Variants in CHMP3 observed in about 807,000 individuals in gnomAD.
CHMP3 encodes 25.1 protein.
Under a neutral mutation model 27.4 loss-of-function variants are expected in CHMP3, and 8 were observed. That is an observed-to-expected ratio of 0.29 (90% CI 0.17 to 0.53). The LOEUF is 0.53. CHMP3 is among the 20% of genes least tolerant of loss of function. The pLI is 0.96. For synonymous variants in CHMP3, 86 were observed against 85.5 expected, an observed-to-expected ratio of 1.01 and a Z score of -0.03; for missense variants, 208 against 271.5, an observed-to-expected ratio of 0.77 and a Z score of 1.64.
intron 3 of CHMP3, among the ~76,000 whole-genome samples, chr2:86,514,844 TG>T (rs1675235307): frequency 6.6e-6 from 1 of 152,160 alleles, no homozygotes; most frequent in African/African-American, 2.4e-5. Context: ...TGCTTAAAAA[TG>T]GTTAAAATGG....
chr2:86,561,374 G>A (rs1323302693), intron 1 of CHMP3, among the ~76,000 whole-genome samples: 1 of 152,096 alleles, frequency 6.6e-6, no homozygotes, highest in African/African-American at 2.4e-5. Flanking sequence ...TTAGCTAAAG[G>A]TGGTGGTAGT....
At chr2:86,546,591 C>A (rs903597075) in intron 1 of CHMP3, among the ~76,000 whole-genome samples, 1 of 152,056 alleles carries the variant, frequency 6.6e-6, no homozygotes, top group Non-Finnish European at 1.5e-5. Context: ...GCGCTCACCA[C>A]CACACCTGGC....
chr2:86,507,397 G>GA (rs1166137984), intron 5 of CHMP3, 82 bp downstream of exon 5: 3 of 1,259,888 alleles, frequency 2.4e-6, no homozygotes, highest in South Asian at 2.5e-5. Context: ...AATGCCTAAA[G>GA]AAAAAGCTAC....
chr2:86,534,187 GCTTT>G (rs1177473760), intron 2 of CHMP3, among the ~76,000 whole-genome samples: 11 of 133,526 alleles, frequency 8.2e-5, no homozygotes, highest in Admixed American at 3.1e-4. Context: ...AGATCCAATT[GCTTT>G]ATTTCTTTTT....
At chr2:86,527,359 C>T (rs1487196827) in intron 3 of CHMP3, 4 of 152,148 alleles carry the variant, frequency 2.6e-5, no homozygotes, top group African/African-American at 9.7e-5. Context: ...TGTGCATACA[C>T]TGCTTTATTC....
At chr2:86,536,488 TTTTGGTTGATAGG>T (rs2103967919) in intron 2 of CHMP3, among the ~76,000 whole-genome samples, 1 of 151,534 alleles carries the variant, frequency 6.6e-6, no homozygotes, top group African/African-American at 2.4e-5. Flanking sequence ...AGACATAAAA[TTTTGGTTGATAGG>T]CCTTTTCTTT....
At chr2:86,548,729 G>C (rs1366237723) in intron 1 of CHMP3, among the ~76,000 whole-genome samples, 1 of 152,206 alleles carries the variant, frequency 6.6e-6, no homozygotes, top group African/African-American at 2.4e-5. Context: ...ACACTTCCCA[G>C]ATGGGGTGGC....
chr2:86,554,810 T>C (rs953033910), intron 1 of CHMP3, among the ~76,000 whole-genome samples: 4 of 105,870 alleles, frequency 3.8e-5, no homozygotes, highest in South Asian at 3.3e-4. Flanking sequence ...TAAATGTGTG[T>C]GCGCGCGTGT....
intron 3 of CHMP3, among the ~76,000 whole-genome samples, chr2:86,513,865 T>C (rs1305764452): frequency 2.0e-5 from 3 of 152,232 alleles, no homozygotes; most frequent in Non-Finnish European, 2.9e-5. Flanking sequence ...TCCTGCCTGA[T>C]TGTTTTAGTG....
At chr2:86,563,081 A>C (rs1573319036) in intron 1 of CHMP3, 1 of 511,784 alleles carries the variant, frequency 2.0e-6, no homozygotes, top group Admixed American at 3.1e-5. Flanking sequence ...CTCTTCATCC[A>C]CCCTCGGCTA....
rs556326768 is a variant in CHMP3 at position 86,534,791 on chromosome 2, T to A, written c.107-5394A>T. 1.3e-4 allele frequency among the ~76,000 whole-genome samples: 20 copies of A among 152,358 alleles called. No homozygotes were observed. The South Asian group carries it at 4.1e-3, about 32-fold the overall frequency. ...ATAGCTGTCCCTGCTGTCTTTTATT[T>A]ACTATGTCCACAAAATATCTTTTTC... On this transcript the variant is annotated intron_variant, in intron 2 of 5. Transcript: ENST00000263856.
In CHMP3 at chr2:86,505,690, C is replaced by G. The variant is rs964041979; in HGVS notation, c.*114G>C. On this transcript the variant is annotated 3_prime_UTR_variant, in exon 6 of 6. Coordinates refer to ENST00000263856, the MANE Select transcript of CHMP3 (RefSeq NM_016079.4). ...AACCTGGGCAGAGAATGAAAAGAGA[C>G]AAACAGAACCTTCTCCAAAATGGTA... 24 of 1,304,720 alleles carry G rather than the reference C, an allele frequency of 1.8e-5. No homozygotes were observed. The highest frequency in any genetic ancestry group is 2.2e-5 in the Non-Finnish European group (22 of 1,016,660). 80.8% of individuals were successfully genotyped at this position (1,304,720 alleles called of 1,614,324 possible).
chr2:86,535,799 C>A (rs1031118421), intron 2 of CHMP3, among the ~76,000 whole-genome samples: 2 of 152,200 alleles, frequency 1.3e-5, no homozygotes, highest in African/African-American at 2.4e-5. Flanking sequence ...AGCCACTGCG[C>A]CCAGCCTGCA....
intron 1 of CHMP3, among the ~76,000 whole-genome samples, chr2:86,547,473 C>T (rs1573292821): frequency 6.6e-6 from 1 of 152,122 alleles, no homozygotes; most frequent in Non-Finnish European, 1.5e-5. Context: ...ATCTGAAGAA[C>T]CAAAAGTATC....
intron 1 of CHMP3, among the ~76,000 whole-genome samples, chr2:86,554,165 T>G (rs954362972): frequency 6.6e-5 from 10 of 152,228 alleles, no homozygotes; most frequent in Non-Finnish European, 1.5e-5. Context: ...CACCAGACAC[T>G]GTACCTGTCA....
intron 3 of CHMP3, among the ~76,000 whole-genome samples, chr2:86,516,630 C>T (rs1225526518): frequency 6.6e-6 from 1 of 152,114 alleles, no homozygotes. Context: ...CTGAGAAGGC[C>T]TACAATGGGT....
At chr2:86,529,486 TTAAA>T (rs1370921125) in intron 2 of CHMP3, 89 bp from the exon 3 acceptor site, 6 of 1,248,706 alleles carry the variant, frequency 4.8e-6, no homozygotes, top group Non-Finnish European at 2.1e-6. Flanking sequence ...AATGTATCTA[TTAAA>T]TAGAAAAACA....
chr2:86,535,990 C>CTTTT (rs139620186), intron 2 of CHMP3, among the ~76,000 whole-genome samples: 1 of 88,318 alleles, frequency 1.1e-5, no homozygotes, highest in South Asian at 3.2e-4. Flanking sequence ...AGTTATAAAC[C>CTTTT]TTTCTTTTTT....
intron 2 of CHMP3, among the ~76,000 whole-genome samples, chr2:86,538,713 C>G (rs1440354330): frequency 6.6e-6 from 1 of 152,110 alleles, no homozygotes; most frequent in Non-Finnish European, 1.5e-5. Flanking sequence ...TAAATTCTTT[C>G]CAATTATTGC....
Sources: allele counts gnomAD v4.1 joint callset (sites outside exome capture counted in the v4.1 genomes callset), GRCh38; gene constraint gnomAD v4.1.1; transcripts MANE v1.5; gene names NCBI Gene and HGNC (gene_info 2026-07-23, HGNC 2026-07-21).